PRR15: variants seen among roughly 807,000 people sequenced by gnomAD.
PRR15 encodes proline rich 15.
In PRR15, 4 loss-of-function variants were observed where a neutral mutation model predicts 3.0. The observed-to-expected ratio is 1.34, with a 90% CI of 0.66 to 3.08. The LOEUF (loss-of-function observed/expected upper bound fraction) is 3.08, where lower values mean the gene tolerates loss of function less well. Ranked by LOEUF, PRR15 falls within the 30% of genes most tolerant of loss-of-function variation. PRR15 has a pLI of 0.01. For synonymous variants in PRR15, 82 were observed against 79.8 expected (o/e 1.03, Z -0.14); for missense variants, 200 against 179.5 (o/e 1.11, Z -0.65).
chr7:29,566,752 C>T lies in PRR15; in HGVS notation c.*33C>T, dbSNP rs1294540663. 6.7e-7 allele frequency: 1 copy of T among 1,499,088 alleles called. No homozygotes were observed. The highest frequency in any genetic ancestry group is 2.3e-4 in the Middle Eastern group (1 of 4,268). The allele number at this position is 1,499,088 out of a possible 1,614,324, so 92.9% of individuals were successfully genotyped here. A position where few individuals can be genotyped will look rare whatever the true frequency, so the allele number is the denominator to read the frequency against. ...AGCCTGCGCGCTCCAGGACTGCCTACCCAGCACTACCCCAAACCCCCAGTT... is the reference window on the plus strand; with the variant it reads ...AGCCTGCGCGCTCCAGGACTGCCTATCCAGCACTACCCCAAACCCCCAGTT... On this transcript the variant is annotated 3_prime_UTR_variant, in exon 2 of 2. Transcript: ENST00000319694.
rs1283362926 is a variant in PRR15, at chr7:29,566,457, C to A, written c.128C>A (p.Thr43Lys). ...PPAQPAPGEP[T>K]PPAPPSPDWT... ...GCCCAGCCCGCTCCCGGGGAGCCCA[C>A]GCCACCTGCGCCGCCCAGCCCGGAC... The change falls in exon 2 of 2, where the codon ACG becomes AAG. Residue 43 changes from threonine (T) to lysine (K), a missense_variant. Coordinates refer to ENST00000319694, the MANE Select transcript of PRR15 (RefSeq NM_175887.3). 4 of 1,599,780 alleles carry A rather than the reference C, an allele frequency of 2.5e-6. No homozygotes were observed. In the East Asian group the frequency reaches 9.1e-5, roughly 36 times the overall value.
rs575067408 is a variant in PRR15 at position 29,566,543 on chromosome 7, C to G, written c.214C>G (p.Pro72Ala). The stretch of plus-strand genomic sequence containing the variant: ...TCTCCTCGGGGGCGCCGGCGAGCCC[C>G]CCAAACCAGACAAGTTATACGGGGA... The part of the protein sequence containing the change: ...PNLLGGAGEP[P>A]KPDKLYGDKS... Residue 72 changes from proline to alanine, a missense_variant, in exon 2 of 2, where the codon CCC becomes GCC. By Grantham distance (27) the Pro-to-Ala change is conservative (BLOSUM62 -1). Coordinates refer to ENST00000319694, the MANE Select transcript of PRR15 (RefSeq NM_175887.3). 8 of 1,608,216 alleles carry G rather than the reference C, an allele frequency of 5.0e-6. No individual in the cohort carries two copies. The African/African-American group carries it at 1.1e-4, about 21-fold the overall frequency.
At position 29,566,480 on chromosome 7, in the gene PRR15, G is replaced by A. The variant is rs781290728; in HGVS notation, c.151G>A (p.Asp51Asn). The A allele has an allele frequency of 2.5e-6, 4 of 1,599,514 alleles. No individual in the cohort carries two copies. The South Asian group carries it at 3.4e-5, about 13-fold the overall frequency. The change falls in exon 2 of 2, where the codon GAC (aspartate) becomes AAC (asparagine). Residue 51 changes from aspartate (D) to asparagine (N), a missense_variant. Asp to Asn is a conservative substitution (Grantham distance 23, BLOSUM62 1). Transcript: ENST00000319694. ...EPTPPAPPSP[D>N]WTSSSRENQH... ...CACGCCACCTGCGCCGCCCAGCCCGGACTGGACCAGCAGCTCCCGGGAGAA... is the reference window on the plus strand; with the variant it reads ...CACGCCACCTGCGCCGCCCAGCCCGAACTGGACCAGCAGCTCCCGGGAGAA...
Position 29,566,525 on chromosome 7 carries a change from G to T in PRR15, c.196G>T (p.Gly66Trp), listed in dbSNP as rs375384743. Residue 66 changes from glycine (G) to tryptophan (W), a missense_variant, in exon 2 of 2, where the codon GGG becomes TGG. Gly to Trp is a radical substitution (Grantham distance 184, BLOSUM62 -2). Coordinates refer to ENST00000319694, the MANE Select transcript of PRR15 (RefSeq NM_175887.3). ...SRENQHPNLL[G>W]GAGEPPKPDK... ...GGAGAACCAGCACCCCAATCTCCTCGGGGGCGCCGGCGAGCCCCCCAAACC... is the reference window on the plus strand; with the variant it reads ...GGAGAACCAGCACCCCAATCTCCTCTGGGGCGCCGGCGAGCCCCCCAAACC... The T allele has an allele frequency of 1.2e-6, 2 of 1,605,290 alleles. No individual in the cohort carries two copies. The highest frequency in any genetic ancestry group is 1.7e-5 in the Admixed American group (1 of 59,300).
In PRR15 at chr7:29,566,704, C is replaced by G. The variant is rs1222218768; in HGVS notation, c.375C>G (p.His125Gln). ...AGGCAGGCTTTCCTGGTGACCCCCACGAGGACAAGCAGTAGCCCCAATAGC... is the reference window on the plus strand; with the variant it reads ...AGGCAGGCTTTCCTGGTGACCCCCAGGAGGACAAGCAGTAGCCCCAATAGC... ...PEEAGFPGDP[H>Q]EDKQ The change falls in exon 2 of 2, where the codon CAC (histidine) becomes CAG (glutamine). Residue 125 changes from histidine to glutamine, a missense_variant. Transcript: ENST00000319694. 4 of 1,558,864 alleles carry G rather than the reference C, an allele frequency of 2.6e-6. No individual in the cohort carries two copies. Among genetic ancestry groups the G allele is most frequent in the East Asian group, 2.4e-5 (1 of 41,438 alleles).
rs1308301437 is a variant in PRR15 at position 29,566,919 on chromosome 7, A to G, written c.*200A>G. 3 of 514,792 alleles carry G rather than the reference A, an allele frequency of 5.8e-6. No individual in the cohort carries two copies. The African/African-American group carries it at 6.0e-5, about 10-fold the overall frequency. 31.9% of individuals were successfully genotyped at this position (514,792 alleles called of 1,614,324 possible). On this transcript the variant is annotated 3_prime_UTR_variant, in exon 2 of 2. Transcript: ENST00000319694. ...TTCTCAATATTTCATGACTCCAAGGATGCATTAAATATTTATTTGTGGTAA... is the reference window on the plus strand; with the variant it reads ...TTCTCAATATTTCATGACTCCAAGGGTGCATTAAATATTTATTTGTGGTAA...
In PRR15 at chr7:29,567,008, GCCCTGGCC is replaced by G; in HGVS notation, c.*297_*304del. ...TTTTTTTTCAAAAAGCTATTCTGGGGCCCTGGCCCCCTGGCTCCTGTCACAGCTCAGCT... is the reference window on the plus strand; with the variant it reads ...TTTTTTTTCAAAAAGCTATTCTGGGGCCCTGGCTCCTGTCACAGCTCAGCT... On this transcript the variant is annotated 3_prime_UTR_variant, in exon 2 of 2. Transcript: ENST00000319694. 3.0e-6 allele frequency: 1 copy of G among 335,892 alleles called. No individual in the cohort carries two copies. The highest frequency in any genetic ancestry group is 5.6e-6 in the Non-Finnish European group (1 of 178,512). 20.8% of individuals were successfully genotyped at this position (335,892 alleles called of 1,614,324 possible).
In PRR15 at chr7:29,566,263, C is replaced by G; in HGVS notation, c.-67C>G. The G allele has an allele frequency of 6.7e-7, 1 of 1,489,006 alleles. No individual in the cohort carries two copies. The highest frequency in any genetic ancestry group is 8.9e-7 in the Non-Finnish European group (1 of 1,121,908). The allele number at this position is 1,489,006 out of a possible 1,614,324, so 92.2% of individuals were successfully genotyped here. On this transcript the variant is annotated 5_prime_UTR_variant, in exon 2 of 2. Coordinates refer to ENST00000319694, the MANE Select transcript of PRR15 (RefSeq NM_175887.3). Reference sequence around the variant, plus strand: ...AAGGGGTGGAGTGAACGGCCGGAGACCACGTGGAGAAAGGGGCCGCTTTGG... The same window carrying G: ...AAGGGGTGGAGTGAACGGCCGGAGAGCACGTGGAGAAAGGGGCCGCTTTGG...
At chr7:29,565,831 A>G (rs937943336) in intron 1 of PRR15, 3 of 160,540 alleles carry the variant, frequency 1.9e-5, no homozygotes, top group Non-Finnish European at 4.1e-5. Flanking sequence ...CAGTGTGGAC[A>G]GGGCGGTCAT....
In PRR15 at chr7:29,566,307, G is replaced by C. The variant is rs1315254899; in HGVS notation, c.-23G>C. 2 of 1,587,590 alleles carry C rather than the reference G, an allele frequency of 1.3e-6. No homozygotes were observed. The highest frequency in any genetic ancestry group is 3.5e-5 in the Admixed American group (2 of 56,822). Reference sequence around the variant, plus strand: ...GCTTTGGCCCTTCCATCTGGGTGCCGGGAGCCCCTAGGCCCTCCGGCCATG... The same window carrying C: ...GCTTTGGCCCTTCCATCTGGGTGCCCGGAGCCCCTAGGCCCTCCGGCCATG... On this transcript the variant is annotated 5_prime_UTR_variant, in exon 2 of 2. Transcript: ENST00000319694.
At chr7:29,566,130 G>C (rs569097604) in intron 1 of PRR15, 55 bp from the exon 2 acceptor site, 85 of 637,756 alleles carry the variant, frequency 1.3e-4, no homozygotes, top group Non-Finnish European at 2.2e-4. Context: ...AAGGGGACTG[G>C]GGGGGGCACG....
At position 29,566,713 on chromosome 7, in the gene PRR15, G is replaced by C. The variant is rs777360470; in HGVS notation, c.384G>C (p.Lys128Asn). The part of the protein sequence containing the change: ...AGFPGDPHED[K>N]Q ...TTCCTGGTGACCCCCACGAGGACAA[G>C]CAGTAGCCCCAATAGCCTGCGCGCT... The change falls in exon 2 of 2, where the codon AAG (lysine) becomes AAC (asparagine). Residue 128 changes from lysine to asparagine, a missense_variant. Coordinates refer to ENST00000319694, the MANE Select transcript of PRR15 (RefSeq NM_175887.3). The C allele has an allele frequency of 6.4e-7, 1 of 1,557,368 alleles. No individual in the cohort carries two copies. The highest frequency in any genetic ancestry group is 8.7e-7 in the Non-Finnish European group (1 of 1,151,238).
Position 29,566,522 on chromosome 7 carries a change from C to G in PRR15, c.193C>G (p.Leu65Val), listed in dbSNP as rs761107881. 1 of 1,604,886 alleles carries G rather than the reference C, an allele frequency of 6.2e-7. No individual in the cohort carries two copies. Among genetic ancestry groups the G allele is most frequent in the Non-Finnish European group, 8.5e-7 (1 of 1,176,104 alleles). The change falls in exon 2 of 2, where the codon CTC becomes GTC. Residue 65 changes from leucine (L) to valine (V), a missense_variant. Coordinates refer to ENST00000319694, the MANE Select transcript of PRR15 (RefSeq NM_175887.3). ...CCGGGAGAACCAGCACCCCAATCTC[C>G]TCGGGGGCGCCGGCGAGCCCCCCAA... The part of the protein sequence containing the change: ...SSRENQHPNL[L>V]GGAGEPPKPD...
At chr7:29,564,642 T>G (rs530078218) in intron 1 of PRR15, among the ~76,000 whole-genome samples, 1 of 152,182 alleles carries the variant, frequency 6.6e-6, no homozygotes, top group African/African-American at 2.4e-5. Context: ...GGAAGCAGCA[T>G]CAGGACACCT....
chr7:29,565,081 C>T (rs1792860355), intron 1 of PRR15, among the ~76,000 whole-genome samples: 1 of 18 alleles, frequency 0.056, no homozygotes, highest in Admixed American at 0.5. Context: ...CGAATCCTGC[C>T]GTTGCTGGTG....
chr7:29,566,268 T>G lies in PRR15; in HGVS notation c.-62T>G. The G allele has an allele frequency of 6.7e-7, 1 of 1,502,358 alleles. No individual in the cohort carries two copies. The highest frequency in any genetic ancestry group is 1.3e-5 in the South Asian group (1 of 77,846). 93.1% of individuals were successfully genotyped at this position (1,502,358 alleles called of 1,614,324 possible). On this transcript the variant is annotated 5_prime_UTR_variant, in exon 2 of 2. Transcript: ENST00000319694. ...GTGGAGTGAACGGCCGGAGACCACG[T>G]GGAGAAAGGGGCCGCTTTGGCCCTT...
In PRR15 at chr7:29,566,382, C is replaced by A. The variant is rs1178533078; in HGVS notation, c.53C>A (p.Thr18Asn). 2 of 1,610,818 alleles carry A rather than the reference C, an allele frequency of 1.2e-6. No individual in the cohort carries two copies. Among genetic ancestry groups the A allele is most frequent in the Admixed American group, 3.3e-5 (2 of 59,924 alleles). Residue 18 changes from threonine to asparagine, a missense_variant, in exon 2 of 2, where the codon ACC becomes AAC. Transcript: ENST00000319694. ...GSSGPWWKSL[T>N]NSRKKSKEAA... is the part of the protein sequence containing the mutation. Reference sequence around the variant, plus strand: ...TCCGGCCCCTGGTGGAAATCGCTCACCAACAGCAGAAAGAAAAGCAAGGAA... The same window carrying A: ...TCCGGCCCCTGGTGGAAATCGCTCAACAACAGCAGAAAGAAAAGCAAGGAA...
chr7:29,564,566 C>T (rs1792842560), intron 1 of PRR15, among the ~76,000 whole-genome samples, 189 bp downstream of exon 1: 1 of 152,166 alleles, frequency 6.6e-6, no homozygotes, highest in Non-Finnish European at 1.5e-5. Context: ...TTGCGCAATT[C>T]GTACAAAGCC....
Position 29,566,805 on chromosome 7 carries a change from C to T in PRR15, c.*86C>T. ...AAACCCGAGACTTCAGGCCCGCCCC[C>T]TTACGCGTTGTCTCATTCCACCAAA... On this transcript the variant is annotated 3_prime_UTR_variant, in exon 2 of 2. Coordinates refer to ENST00000319694, the MANE Select transcript of PRR15 (RefSeq NM_175887.3). 2 of 1,302,262 alleles carry T rather than the reference C, an allele frequency of 1.5e-6. No individual in the cohort carries two copies. The highest frequency in any genetic ancestry group is 2.1e-6 in the Non-Finnish European group (2 of 966,542). The allele number at this position is 1,302,262 out of a possible 1,614,324, so 80.7% of individuals were successfully genotyped here.
Sources: gnomAD v4.1 joint callset for allele counts (sites outside exome capture counted in the v4.1 genomes callset) on GRCh38, gnomAD v4.1.1 for gene constraint, MANE v1.5 for transcripts, NCBI Gene and HGNC (gene_info 2026-07-23, HGNC 2026-07-21) for gene names.